The following TFB2M variants were observed in gnomAD, a reference collection of about 807,000 sequenced individuals.
TFB2M encodes the protein dimethyladenosine transferase 2, mitochondrial.
TFB2M carries 44 observed loss-of-function variants against 41.3 expected under a neutral mutation model. The ratio of observed to expected loss-of-function variants is 1.07; its 90% CI spans 0.84 to 1.37. The LOEUF is 1.37. TFB2M is among the 40% of genes most tolerant of loss of function. The probability of loss-of-function intolerance (pLI) is 0.00; values close to 1 mark genes in which losing one functional copy is unlikely to be tolerated. For synonymous variants in TFB2M, 188 were observed against 176.8 expected, an observed-to-expected ratio of 1.06 and a Z score of -0.50; for missense variants, 496 against 490.2, an observed-to-expected ratio of 1.01 and a Z score of -0.11.
chr1:246,541,527 A>G (rs3124108), intron 7 of TFB2M, among the ~76,000 whole-genome samples: 36,699 of 152,080 alleles, frequency 0.24, 4,878 homozygotes, highest in Middle Eastern at 0.44. Context: ...AGAAAAAAAA[A>G]AGCCTAACTT....
rs573009614 is a variant in TFB2M at position 246,544,629 on chromosome 1, C to T, written c.911G>A (p.Arg304His). 47 of 1,607,714 alleles carry T rather than the reference C, an allele frequency of 2.9e-5. No homozygotes were observed. The highest frequency in any genetic ancestry group is 1.6e-4 in the South Asian group (14 of 89,106). ...TAAGTTCTTGGTAAATAAATTTTGACGAGGAATCATTTGAATAAGATACAG... is the reference window on the plus strand; with the variant it reads ...TAAGTTCTTGGTAAATAAATTTTGATGAGGAATCATTTGAATAAGATACAG... The part of the protein sequence containing the change: ...QKLYLIQMIP[R>H]QNLFTKNLTP... The change falls in exon 7 of 8, where the codon CGT (arginine) becomes CAT (histidine). Residue 304 changes from arginine to histidine, a missense_variant. Coordinates refer to ENST00000366514, the MANE Select transcript of TFB2M (RefSeq NM_022366.3).
chr1:246,549,721 C>T (rs1659120351), intron 5 of TFB2M, among the ~76,000 whole-genome samples: 2 of 152,118 alleles, frequency 1.3e-5, no homozygotes, highest in Admixed American at 1.3e-4. Flanking sequence ...ATATTGAACA[C>T]AAGGTCTGAA....
chr1:246,553,427 C>T (rs569976370), intron 4 of TFB2M, among the ~76,000 whole-genome samples: 18 of 152,250 alleles, frequency 1.2e-4, no homozygotes, highest in African/African-American at 4.3e-4. Context: ...CCCAGCACCT[C>T]AGGAGACTGA....
In TFB2M at chr1:246,566,142, C is replaced by T; in HGVS notation, c.-4G>A. 6.2e-7 allele frequency: 1 copy of T among 1,603,576 alleles called. No homozygotes were observed. The highest frequency in any genetic ancestry group is 2.2e-5 in the East Asian group (1 of 44,612). The stretch of plus-strand genomic sequence containing the variant: ...GCCCGACCACTGGGATCCACATGTC[C>T]TTGTCTCTCAGGCCCGCTCCAAGAA... On this transcript the variant is annotated 5_prime_UTR_variant, in exon 1 of 8. Transcript: ENST00000366514.
At chr1:246,551,080 T>G in intron 5 of TFB2M, 133 bp downstream of exon 5, 1 of 648,266 alleles carries the variant, frequency 1.5e-6, no homozygotes, top group Non-Finnish European at 2.7e-6. Flanking sequence ...GAGGCTAAGG[T>G]GAGAGGATCA....
chr1:246,558,359 T>C (rs189202165), intron 2 of TFB2M, among the ~76,000 whole-genome samples: 2 of 151,912 alleles, frequency 1.3e-5, no homozygotes, highest in African/African-American at 4.8e-5. Context: ...GTTGCCCAGG[T>C]TGGTCTCAAA....
chr1:246,564,443 T>G lies in TFB2M; in HGVS notation c.314-9A>C, dbSNP rs1316367784. On this transcript the variant is annotated splice_polypyrimidine_tract_variant and intron_variant, in intron 1 of 7. Transcript: ENST00000366514. ...AGTCAGGATTCCAGGACCTGGCACATTAACAGAACGAAAAGTTTATTTGTA... is the reference window on the plus strand; with the variant it reads ...AGTCAGGATTCCAGGACCTGGCACAGTAACAGAACGAAAAGTTTATTTGTA... The G allele has an allele frequency of 1.2e-6, 2 of 1,612,666 alleles. No homozygotes were observed. The highest frequency in any genetic ancestry group is 2.2e-5 in the South Asian group (2 of 90,892).
intron 5 of TFB2M, 83 bp downstream of exon 5, chr1:246,551,130 G>A (rs1026041930): frequency 2.0e-6 from 2 of 1,013,740 alleles, no homozygotes; most frequent in South Asian, 2.6e-5. Flanking sequence ...AGCTATGATT[G>A]TGCCACTGCA....
At chr1:246,548,007 C>A (rs1169310294) in intron 6 of TFB2M, among the ~76,000 whole-genome samples, 1 of 148,732 alleles carries the variant, frequency 6.7e-6, no homozygotes, top group Non-Finnish European at 1.5e-5. Context: ...AGTGCAGTGG[C>A]ACGATCTTGG....
intron 6 of TFB2M, among the ~76,000 whole-genome samples, chr1:246,546,160 A>C (rs1387028925): frequency 6.6e-6 from 1 of 151,792 alleles, no homozygotes; most frequent in Non-Finnish European, 1.5e-5. Context: ...ACAAACAAAC[A>C]AACTAGCTGG....
intron 5 of TFB2M, among the ~76,000 whole-genome samples, chr1:246,550,827 G>C (rs910866176): frequency 1.3e-5 from 2 of 152,194 alleles, no homozygotes; most frequent in African/African-American, 4.8e-5. Flanking sequence ...AGGTTGCAGT[G>C]AGCCGAGATC....
At chr1:246,547,239 C>A (rs1379844020) in intron 6 of TFB2M, among the ~76,000 whole-genome samples, 1 of 152,182 alleles carries the variant, frequency 6.6e-6, no homozygotes, top group Non-Finnish European at 1.5e-5. Context: ...ACCTCGGCCT[C>A]CCAAAGTGCT....
At chr1:246,559,051 C>T (rs531992474) in intron 2 of TFB2M, among the ~76,000 whole-genome samples, 6 of 152,198 alleles carry the variant, frequency 3.9e-5, no homozygotes, top group South Asian at 4.2e-4. Flanking sequence ...ATGCAAACAC[C>T]TATTTTTTCT....
intron 7 of TFB2M, among the ~76,000 whole-genome samples, chr1:246,542,376 T>A (rs1658883568): frequency 4.6e-5 from 7 of 151,946 alleles, no homozygotes; most frequent in Admixed American, 4.6e-4. Context: ...ACAACAATTG[T>A]AAAAAAATAT....
chr1:246,551,218 G>A lies in TFB2M; in HGVS notation c.790C>T (p.His264Tyr), dbSNP rs12037377. ...AACAGAAGGATTTTACTCACCATGT[G>A]CAGAACCTTAATCTCACAAGCTAAT... Reference protein sequence around the residue: ...WQLACEIKVLHMEPWSSFDIY... With the variant: ...WQLACEIKVLYMEPWSSFDIY... Residue 264 changes from histidine (H) to tyrosine (Y), a missense_variant, in exon 5 of 8, where the codon CAC becomes TAC. Coordinates refer to ENST00000366514, the MANE Select transcript of TFB2M (RefSeq NM_022366.3). The A allele has an allele frequency of 2.0e-3, 3,208 of 1,612,646 alleles. 51 individuals carry two copies. The East Asian group carries it at 0.042, about 21-fold the overall frequency.
At chr1:246,550,143 A>G (rs1320961214) in intron 5 of TFB2M, among the ~76,000 whole-genome samples, 2 of 152,246 alleles carry the variant, frequency 1.3e-5, no homozygotes, top group Non-Finnish European at 2.9e-5. Context: ...TCTGCAAGCT[A>G]AAGTCCTCAG....
Position 246,564,449 on chromosome 1 carries a change from G to C in TFB2M, c.314-15C>G, listed in dbSNP as rs1473223821. On this transcript the variant is annotated splice_polypyrimidine_tract_variant and intron_variant, in intron 1 of 7. Transcript: ENST00000366514. ...GATTCCAGGACCTGGCACATTAACA[G>C]AACGAAAAGTTTATTTGTACAAGAA... 1 of 1,610,082 alleles carries C rather than the reference G, an allele frequency of 6.2e-7. No homozygotes were observed. Among genetic ancestry groups the C allele is most frequent in the Non-Finnish European group, 8.5e-7 (1 of 1,177,076 alleles).
chr1:246,554,728 T>G (rs1159425972), intron 4 of TFB2M, among the ~76,000 whole-genome samples: 1 of 152,022 alleles, frequency 6.6e-6, no homozygotes, highest in Non-Finnish European at 1.5e-5. Flanking sequence ...CCTGAAACCA[T>G]CCCCGCCGCC....
intron 7 of TFB2M, 115 bp from the exon 8 acceptor site, chr1:246,541,317 G>A: frequency 3.1e-6 from 3 of 952,984 alleles, no homozygotes; most frequent in Non-Finnish European, 4.7e-6. Flanking sequence ...GGCATACAGA[G>A]TGCTATAATG....
Sources: gnomAD v4.1 joint callset for allele counts (sites outside exome capture counted in the v4.1 genomes callset) on GRCh38, gnomAD v4.1.1 for gene constraint, MANE v1.5 for transcripts, NCBI Gene and HGNC (gene_info 2026-07-23, HGNC 2026-07-21) for gene names.